Variants in XKR3 observed in about 807,000 individuals in gnomAD.
XKR3 encodes the protein XK-related protein 3.
In XKR3, 27 loss-of-function variants were observed where a neutral mutation model predicts 40.3. The ratio of observed to expected loss-of-function variants is 0.67; its 90% CI spans 0.49 to 0.92. The LOEUF (loss-of-function observed/expected upper bound fraction) is 0.92, where lower values mean the gene tolerates loss of function less well. XKR3 is among the 40% of genes least tolerant of loss of function. XKR3 has a pLI of 0.00. For synonymous variants in XKR3, 193 were observed against 195.4 expected (o/e 0.99, Z 0.10); for missense variants, 472 against 537.6 (o/e 0.88, Z 1.21).
intron 3 of XKR3, among the ~76,000 whole-genome samples, chr22:16,799,436 C>CAAAAAAAAAAAAAAAAAAAAAAA: frequency 1.7e-5 from 1 of 59,014 alleles, no homozygotes. Context: ...AAAAAAAAAG[C>CAAAAAAAAAAAAAAAAAAAAAAA]AATGCTGTTT....
chr22:16,798,877 C>T (rs1461382343), intron 3 of XKR3, among the ~76,000 whole-genome samples: 1 of 152,070 alleles, frequency 6.6e-6, no homozygotes, highest in African/African-American at 2.4e-5. Context: ...AACAGCGTGG[C>T]CTAAGAAAAA....
intron 2 of XKR3, among the ~76,000 whole-genome samples, chr22:16,802,701 G>T (rs1035540319): frequency 2.6e-5 from 4 of 152,016 alleles, no homozygotes; most frequent in Admixed American, 2.6e-4. Flanking sequence ...TGTTGGCCCG[G>T]ATGGTCTCGA....
intron 3 of XKR3, among the ~76,000 whole-genome samples, chr22:16,785,055 C>T (rs1216573939): frequency 2.0e-5 from 3 of 152,200 alleles, no homozygotes; most frequent in East Asian, 1.9e-4. Flanking sequence ...CGGTGGCTCA[C>T]GCCTGTAATC....
chr22:16,792,245 C>T (rs1321816791), intron 3 of XKR3, among the ~76,000 whole-genome samples: 2 of 152,148 alleles, frequency 1.3e-5, no homozygotes, highest in African/African-American at 4.8e-5. Flanking sequence ...CATGCCCGGC[C>T]TACACTGACA....
In XKR3 at chr22:16,783,998, ATT is replaced by A. The variant is rs1268941274; in HGVS notation, c.999_1000del (p.Lys333AsnfsTer3). On this transcript the variant is annotated frameshift_variant, in exon 4 of 4. Coordinates refer to ENST00000684488, the MANE Select transcript of XKR3 (RefSeq NM_001386955.1). LOFTEE classifies it high-confidence loss of function. ...GCCCCACCTCTGTCTCCCGTCAATT[ATT>A]TTGTCATCTGACAACTGCAGTTTCA... 1.9e-6 allele frequency: 3 copies of A among 1,614,078 alleles called. No homozygotes were observed. Among genetic ancestry groups the A allele is most frequent in the Admixed American group, 1.7e-5 (1 of 59,992 alleles).
chr22:16,783,799 C>T lies in XKR3; in HGVS notation c.1200G>A (p.Leu400=). 1.2e-6 allele frequency: 2 copies of T among 1,614,058 alleles called. No individual in the cohort carries two copies. Among genetic ancestry groups the T allele is most frequent in the Non-Finnish European group, 1.7e-6 (2 of 1,180,024 alleles). Residue 400 remains leucine (L), a synonymous_variant, in exon 4 of 4, where the codon TTG becomes TTA. Coordinates refer to ENST00000684488, the MANE Select transcript of XKR3 (RefSeq NM_001386955.1). ...TGFMLLFYQY[L]YPWQSGKVLP... ...ACACTTTGCCTGACTGCCATGGGTA[C>T]AAATACTGATAGAAGAGGAGCATAA...
At chr22:16,809,996 C>T (rs1369390437) in intron 1 of XKR3, among the ~76,000 whole-genome samples, 1 of 152,214 alleles carries the variant, frequency 6.6e-6, no homozygotes, top group Non-Finnish European at 1.5e-5. Context: ...AAGCCTTCTG[C>T]CCGCCTCAGG....
intron 3 of XKR3, among the ~76,000 whole-genome samples, chr22:16,796,129 C>A (rs1398317419): frequency 9.2e-5 from 14 of 152,080 alleles, no homozygotes; most frequent in Non-Finnish European, 2.1e-4. Flanking sequence ...CTTGGAAGCA[C>A]ACAATCTCCC....
At chr22:16,822,011 T>C (rs1278493679) in intron 1 of XKR3, among the ~76,000 whole-genome samples, 1 of 152,260 alleles carries the variant, frequency 6.6e-6, no homozygotes, top group African/African-American at 2.4e-5. Context: ...TTACTGTATC[T>C]ACAAATTAAT....
chr22:16,791,348 G>A (rs1354397338), intron 3 of XKR3, among the ~76,000 whole-genome samples: 9 of 151,816 alleles, frequency 5.9e-5, no homozygotes, highest in Admixed American at 5.9e-4. Context: ...TATAGAGAGT[G>A]AAACAATGGT....
intron 1 of XKR3, among the ~76,000 whole-genome samples, chr22:16,822,172 T>C (rs1266473090): frequency 6.6e-6 from 1 of 152,118 alleles, no homozygotes. Context: ...TAATAAAATA[T>C]TGTGGTTATA....
chr22:16,784,434 T>G, intron 3 of XKR3, 25 bp from the exon 4 acceptor site: 1 of 1,542,804 alleles, frequency 6.5e-7, no homozygotes. Flanking sequence ...CATGAAAATG[T>G]TAGAGAATAT....
At chr22:16,797,758 A>G (rs1352893466) in intron 3 of XKR3, among the ~76,000 whole-genome samples, 1 of 149,098 alleles carries the variant, frequency 6.7e-6, no homozygotes, top group East Asian at 2.0e-4. Flanking sequence ...GCACCACTGC[A>G]CTCCAGCCTG....
intron 3 of XKR3, among the ~76,000 whole-genome samples, chr22:16,785,198 T>C (rs2060084863): frequency 1.3e-5 from 2 of 152,110 alleles, no homozygotes; most frequent in East Asian, 3.9e-4. Context: ...GAGCTTGTAG[T>C]CCCAGCTACT....
chr22:16,797,991 T>G (rs2060149679), intron 3 of XKR3, among the ~76,000 whole-genome samples: 1 of 151,376 alleles, frequency 6.6e-6, no homozygotes, highest in Non-Finnish European at 1.5e-5. Context: ...CTGGCCAATA[T>G]AGCAAAACCT....
chr22:16,793,125 G>T (rs2060127260), intron 3 of XKR3, among the ~76,000 whole-genome samples: 1 of 152,160 alleles, frequency 6.6e-6, no homozygotes, highest in African/African-American at 2.4e-5. Flanking sequence ...CGATTCTCCT[G>T]CCTCAGCCTC....
At chr22:16,791,051 T>A (rs1443644921) in intron 3 of XKR3, among the ~76,000 whole-genome samples, 2 of 152,312 alleles carry the variant, frequency 1.3e-5, no homozygotes, top group African/African-American at 4.8e-5. Flanking sequence ...CTTTTGAGAA[T>A]GTATCAAAAG....
At chr22:16,800,149 C>T (rs1184549558) in intron 2 of XKR3, 125 bp from the exon 3 acceptor site, 7 of 1,032,268 alleles carry the variant, frequency 6.8e-6, no homozygotes, top group Non-Finnish European at 9.6e-6. Context: ...CAAATATTAA[C>T]TTAATCACAC....
chr22:16,799,668 C>T, intron 3 of XKR3, 103 bp downstream of exon 3: 1 of 1,325,360 alleles, frequency 7.5e-7, no homozygotes, highest in Admixed American at 2.5e-5. Context: ...AAATTTAGTG[C>T]AACTGTAATT....
Sources: gnomAD v4.1 joint callset for allele counts (sites outside exome capture counted in the v4.1 genomes callset) on GRCh38, gnomAD v4.1.1 for gene constraint, MANE v1.5 for transcripts, NCBI Gene and HGNC (gene_info 2026-07-23, HGNC 2026-07-21) for gene names.